The following CELSR1 variants were observed in gnomAD, a reference collection of about 807,000 sequenced individuals.
CELSR1 encodes cadherin EGF LAG seven-pass G-type receptor 1.
In CELSR1, 110 loss-of-function variants were observed where a neutral mutation model predicts 249.1. The ratio of observed to expected loss-of-function variants is 0.44; its 90% CI spans 0.38 to 0.52. The LOEUF (loss-of-function observed/expected upper bound fraction) is 0.52. Ranked by LOEUF, CELSR1 falls within the 20% of genes least tolerant of loss-of-function variation. CELSR1 has a pLI of 0.00. For synonymous variants in CELSR1, 2,113 were observed against 1,900.0 expected (o/e 1.11, Z -2.92); for missense variants, 4,109 against 4,296.4 (o/e 0.96, Z 1.22).
At chr22:46,404,564 G>A (rs2079244390) in intron 9 of CELSR1, among the ~76,000 whole-genome samples, 1 of 152,150 alleles carries the variant, frequency 6.6e-6, no homozygotes, top group Non-Finnish European at 1.5e-5. Flanking sequence ...AACTAAAACT[G>A]TATTTTGCTT....
intron 13 of CELSR1, 143 bp from the exon 14 acceptor site, chr22:46,394,405 T>C: frequency 2.1e-6 from 2 of 946,320 alleles, no homozygotes; most frequent in East Asian, 5.3e-5. Context: ...CCACGTTACA[T>C]GGCCTCAGTC....
chr22:46,425,560 A>G (rs1387388061), intron 5 of CELSR1, among the ~76,000 whole-genome samples: 3 of 152,146 alleles, frequency 2.0e-5, no homozygotes, highest in African/African-American at 7.2e-5. Flanking sequence ...TTTTAAATGT[A>G]CACATGTAGA....
Position 46,393,795 on chromosome 22 carries a change from G to T in CELSR1, c.5964+347C>A, listed in dbSNP as rs900312781. On this transcript the variant is annotated intron_variant, in intron 14 of 34. Coordinates refer to ENST00000674500, the MANE Select transcript of CELSR1 (RefSeq NM_001378328.1). This position sits in a 1 kb window ranked among gnomAD's most constrained non-coding sequence, Gnocchi z 4.1. ...CAACCAGGAGGCCAGGAGGGCCGGG[G>T]TGGTGCCATAGATGAGCCAGCCCTC... 6.6e-6 allele frequency among the ~76,000 whole-genome samples: 1 copy of T among 152,176 alleles called. No individual in the cohort carries two copies. Among genetic ancestry groups the T allele is most frequent in the African/African-American group, 2.4e-5 (1 of 41,444 alleles).
chr22:46,397,945 CATCTGTGATGCCTCATTTA>C (rs2079169096), intron 11 of CELSR1, 97 bp from the exon 12 acceptor site: 3 of 1,002,262 alleles, frequency 3.0e-6, no homozygotes, highest in Non-Finnish European at 4.1e-6. Flanking sequence ...GCGAGGCATT[CATCTGTGATGCCTCATTTA>C]TCTACAGAGC....
chr22:46,471,212 C>T lies in CELSR1; in HGVS notation c.3545-6867G>A, dbSNP rs112602825. Reference sequence around the variant, plus strand: ...TTTCTACATGAGCCCAGAGAGCTATCGGCACTGTGGACAGTGGTTCTGTCT... The same window carrying T: ...TTTCTACATGAGCCCAGAGAGCTATTGGCACTGTGGACAGTGGTTCTGTCT... On this transcript the variant is annotated intron_variant, in intron 1 of 34. Transcript: ENST00000674500. The surrounding 1 kb of genome is among the most constrained non-coding windows in gnomAD (Gnocchi z 4.9). Among the ~76,000 whole-genome samples, 1,952 of 152,272 alleles carry T rather than the reference C, an allele frequency of 0.013. 47 individuals carry two copies. Among genetic ancestry groups the T allele is most frequent in the African/African-American group, 0.045 (1,868 of 41,540 alleles).
chr22:46,380,979 G>A lies in CELSR1; in HGVS notation c.7089-24C>T. ...ACCTGAGGTCAAGAAGCCAGAGCAT[G>A]GGGACAAACACGGTGAGGAAACATC... On this transcript the variant is annotated intron_variant, in intron 21 of 34. Coordinates refer to ENST00000674500, the MANE Select transcript of CELSR1 (RefSeq NM_001378328.1). This position sits in a 1 kb window ranked among gnomAD's most constrained non-coding sequence, Gnocchi z 5.1. 6.2e-7 allele frequency: 1 copy of A among 1,607,412 alleles called. No individual in the cohort carries two copies. The highest frequency in any genetic ancestry group is 8.5e-7 in the Non-Finnish European group (1 of 1,175,536).
chr22:46,496,184 G>A (rs919227185), intron 1 of CELSR1, among the ~76,000 whole-genome samples: 3 of 134,372 alleles, frequency 2.2e-5, no homozygotes, highest in Admixed American at 8.0e-5. Context: ...CTGGGCAACA[G>A]AATGAGACTT....
At position 46,439,347 on chromosome 22, in the gene CELSR1, G is replaced by A. The variant is rs1351233917; in HGVS notation, c.4248C>T (p.Gly1416=). ...RCANGVCKNG[G]TCVNLLIGGF... ...CGCCGATGAGCAGGTTCACGCAGGT[G>A]CCCCCGTTCTTGCACACCCCGTTGG... Residue 1416 remains glycine, a synonymous_variant, in exon 3 of 35, where the codon GGC becomes GGT. Transcript: ENST00000674500. 1 of 1,614,022 alleles carries A rather than the reference G, an allele frequency of 6.2e-7. No individual in the cohort carries two copies.
chr22:46,394,032 GGTGT>G, intron 14 of CELSR1, 106 bp downstream of exon 14: 1 of 1,394,184 alleles, frequency 7.2e-7, no homozygotes, highest in Non-Finnish European at 9.8e-7. Flanking sequence ...TGTGTGCAGG[GGTGT>G]GAGTGTGTAC....
At position 46,472,351 on chromosome 22, in the gene CELSR1, TG is replaced by T. The variant is rs1375201402; in HGVS notation, c.3545-8007del. ...TGTTCCCCATGGTGGGCTCATGCTG[TG>T]GGGCAGTGGGGGCAGAGGTCACATC... On this transcript the variant is annotated intron_variant, in intron 1 of 34. Coordinates refer to ENST00000674500, the MANE Select transcript of CELSR1 (RefSeq NM_001378328.1). This position sits in a 1 kb window ranked among gnomAD's most constrained non-coding sequence, Gnocchi z 7.0. 6.6e-6 allele frequency among the ~76,000 whole-genome samples: 1 copy of T among 152,122 alleles called. No homozygotes were observed. The highest frequency in any genetic ancestry group is 1.5e-5 in the Non-Finnish European group (1 of 68,024).
At position 46,401,213 on chromosome 22, in the gene CELSR1, G is replaced by GA. The variant is rs1039589411; in HGVS notation, c.5227-1312dup. 3.3e-5 allele frequency among the ~76,000 whole-genome samples: 5 copies of GA among 151,884 alleles called. No homozygotes were observed. Among genetic ancestry groups the GA allele is most frequent in the Non-Finnish European group, 5.9e-5 (4 of 68,002 alleles). On this transcript the variant is annotated intron_variant, in intron 9 of 34. Coordinates refer to ENST00000674500, the MANE Select transcript of CELSR1 (RefSeq NM_001378328.1). This position sits in a 1 kb window ranked among gnomAD's most constrained non-coding sequence, Gnocchi z 4.7. ...ATCCTCTGTGTTTAATTACATGTAT[G>GA]AAAAAAACAAAAATCAGCATTGCAA...
chr22:46,386,335 G>T, intron 19 of CELSR1, 67 bp downstream of exon 19: 2 of 1,427,986 alleles, frequency 1.4e-6, no homozygotes, highest in Non-Finnish European at 1.8e-6. Context: ...CACCCCATGG[G>T]GGCCTAGCTC....
In CELSR1 at chr22:46,363,742, T is replaced by C. The variant is rs79019805; in HGVS notation, c.9035+254A>G. On this transcript the variant is annotated intron_variant, in intron 34 of 34. Coordinates refer to ENST00000674500, the MANE Select transcript of CELSR1 (RefSeq NM_001378328.1). This position sits in a 1 kb window ranked among gnomAD's most constrained non-coding sequence, Gnocchi z 4.3. ...CCCAGCACCTTAGGTCCTAGCATTT[T>C]GGGGCTGGCCAGGGCTTCAGAGTCC... The C allele has an allele frequency of 0.071, 38,657 of 541,154 alleles. 3,109 individuals carry two copies. Among genetic ancestry groups the C allele is most frequent in the African/African-American group, 0.3 (15,689 of 51,592 alleles). The allele number at this position is 541,154 out of a possible 1,614,324, so 33.5% of individuals were successfully genotyped here. A position where few individuals can be genotyped will look rare whatever the true frequency, so the allele number is the denominator to read the frequency against.
chr22:46,455,371 A>G (rs1003371823), intron 2 of CELSR1, among the ~76,000 whole-genome samples: 9 of 152,298 alleles, frequency 5.9e-5, no homozygotes, highest in Admixed American at 2.0e-4. Flanking sequence ...CTGGGATTAC[A>G]GGTGCCTGCC....
intron 22 of CELSR1, 33 bp from the exon 23 acceptor site, chr22:46,378,750 G>T: frequency 6.3e-7 from 1 of 1,599,940 alleles, no homozygotes. Context: ...GCAGGGGTAA[G>T]ACGGTTCCCT....
At chr22:46,487,423 C>T (rs911345921) in intron 1 of CELSR1, among the ~76,000 whole-genome samples, 2 of 147,122 alleles carry the variant, frequency 1.4e-5, no homozygotes, top group Admixed American at 6.9e-5. Flanking sequence ...CCTGTGTGTA[C>T]GAGGCTGAGA....
intron 20 of CELSR1, among the ~76,000 whole-genome samples, chr22:46,383,590 G>A (rs562233648): frequency 1.7e-3 from 253 of 152,264 alleles, no homozygotes; most frequent in African/African-American, 4.3e-3. Flanking sequence ...GTAGTGGCAC[G>A]ATCACAGCTC....
rs775051297 is a variant in CELSR1, at chr22:46,390,413, G to A, written c.6324C>T (p.Ser2108=). 1.9e-6 allele frequency: 3 copies of A among 1,613,722 alleles called. No homozygotes were observed. Among genetic ancestry groups the A allele is most frequent in the Admixed American group, 1.7e-5 (1 of 59,988 alleles). The change falls in exon 17 of 35, where the codon TCC becomes TCT. Residue 2108 remains serine, a synonymous_variant. Coordinates refer to ENST00000674500, the MANE Select transcript of CELSR1 (RefSeq NM_001378328.1). The surrounding 1 kb of genome is among the most constrained non-coding windows in gnomAD (Gnocchi z 6.3). ...CTACCATGGCCCTGAGGTCCACGAA[G>A]GAGATGGTGGTACAGTTAAAGAGCT... is the stretch of plus-strand genomic sequence containing the variant. ...PPELFNCTTI[S]FVDLRAMNEK...
rs2078930864 is a variant in CELSR1 at position 46,377,376 on chromosome 22, G to A, written c.7384-115C>T. 7.4e-5 allele frequency: 89 copies of A among 1,206,456 alleles called. 2 individuals are homozygous for A. In the South Asian group the frequency reaches 1.2e-3, roughly 17 times the overall value. The allele number at this position is 1,206,456 out of a possible 1,614,324, so 74.7% of individuals were successfully genotyped here. ...CTTATGAAACGATCAAGGCTGGCAG[G>A]ATCAGGCTGGGCTGGGGAGGCCGAG... On this transcript the variant is annotated intron_variant, in intron 23 of 34. Transcript: ENST00000674500.
Sources: gnomAD v4.1 joint callset for allele counts (sites outside exome capture counted in the v4.1 genomes callset) on GRCh38, gnomAD v4.1.1 for gene constraint, Gnocchi (gnomAD v3.1) non-coding constraint, MANE v1.5 for transcripts, NCBI Gene and HGNC (gene_info 2026-07-23, HGNC 2026-07-21) for gene names.